The following MYO5A variants were observed in gnomAD, a reference collection of about 807,000 sequenced individuals.
MYO5A encodes the protein unconventional myosin-Va.
A neutral mutation model predicts 249.7 loss-of-function variants in MYO5A; 98 were observed. That is an observed-to-expected ratio of 0.39 (90% CI 0.33 to 0.46). The LOEUF (loss-of-function observed/expected upper bound fraction) is 0.46, where lower values mean the gene tolerates loss of function less well. Among genes scored for constraint, MYO5A ranks in the 20% least tolerant of loss-of-function variants. The pLI is 0.98. For missense variants in MYO5A, 1,696 were observed against 2,308.8 expected (o/e 0.73, Z 5.44); for synonymous variants, 778 against 810.6 (o/e 0.96, Z 0.68).
chr15:52,331,997 T>C (rs1344193839), intron 34 of MYO5A, among the ~76,000 whole-genome samples: 1 of 152,204 alleles, frequency 6.6e-6, no homozygotes, highest in Non-Finnish European at 1.5e-5. Context: ...TGGTTTTACA[T>C]AATTTCTGGT....
intron 3 of MYO5A, among the ~76,000 whole-genome samples, chr15:52,427,988 G>A (rs907097685): frequency 6.6e-6 from 1 of 152,112 alleles, no homozygotes; most frequent in Admixed American, 6.5e-5. Context: ...GAATCACCAC[G>A]AGTCAAGTTA....
chr15:52,528,434 G>A (rs2077764360), intron 1 of MYO5A, among the ~76,000 whole-genome samples: 1 of 152,200 alleles, frequency 6.6e-6, no homozygotes. Context: ...CCACCCGCCG[G>A]GAATTTTCCA....
At chr15:52,495,376 T>C (rs1268841416) in intron 1 of MYO5A, among the ~76,000 whole-genome samples, 1 of 151,984 alleles carries the variant, frequency 6.6e-6, no homozygotes, top group African/African-American at 2.4e-5. Context: ...GAGAGTGAAA[T>C]GGAGATTACC....
intron 9 of MYO5A, 25 bp from the exon 10 acceptor site, chr15:52,397,491 C>T (rs769863379): frequency 5.6e-5 from 90 of 1,611,058 alleles, no homozygotes; most frequent in Non-Finnish European, 1.2e-5. Context: ...TGAGTTATTT[C>T]CTATGACCAG....
intron 1 of MYO5A, among the ~76,000 whole-genome samples, chr15:52,490,489 C>A (rs1244433263): frequency 6.6e-6 from 1 of 152,050 alleles, no homozygotes; most frequent in African/African-American, 2.4e-5. Context: ...CATGGATGAA[C>A]CTTGAGGACA....
intron 40 of MYO5A, among the ~76,000 whole-genome samples, chr15:52,315,333 G>C (rs1426622737): frequency 1.3e-5 from 2 of 151,874 alleles, no homozygotes; most frequent in Non-Finnish European, 2.9e-5. Context: ...TTAGTAAGAA[G>C]TTATGCAAAC....
chr15:52,439,579 G>A (rs914887316), intron 1 of MYO5A, among the ~76,000 whole-genome samples: 62 of 152,134 alleles, frequency 4.1e-4, no homozygotes, highest in African/African-American at 1.4e-3. Context: ...CTGAGATAAG[G>A]TAAGGCAAGG....
intron 14 of MYO5A, among the ~76,000 whole-genome samples, chr15:52,385,646 C>T (rs1192010198): frequency 1.3e-5 from 2 of 151,780 alleles, no homozygotes; most frequent in African/African-American, 4.8e-5. Context: ...CACATAAATA[C>T]ACAAACATAC....
chr15:52,486,330 C>G (rs2076819662), intron 1 of MYO5A, among the ~76,000 whole-genome samples: 1 of 152,178 alleles, frequency 6.6e-6, no homozygotes, highest in African/African-American at 2.4e-5. Flanking sequence ...TGAAAAAACT[C>G]AGGTTGAGTG....
chr15:52,318,347 T>C (rs1030892495), intron 39 of MYO5A, among the ~76,000 whole-genome samples: 6 of 151,030 alleles, frequency 4.0e-5, no homozygotes, highest in African/African-American at 1.5e-4. Context: ...TCCCAGCTAC[T>C]TGGGAGGCTG....
In MYO5A at chr15:52,387,886, G is replaced by T; in HGVS notation, c.1695C>A (p.Leu565=). The T allele has an allele frequency of 6.2e-7, 1 of 1,611,998 alleles. No individual in the cohort carries two copies. Among genetic ancestry groups the T allele is most frequent in the Non-Finnish European group, 8.5e-7 (1 of 1,178,950 alleles). Residue 565 remains leucine (L), a synonymous_variant, in exon 14 of 42, where the codon CTC becomes CTA. Coordinates refer to ENST00000399233, the MANE Select transcript of MYO5A (RefSeq NM_001382347.1). ...DKVEYQCEGF[L]EKNKDTVFEE... ...CAAAAACGGTGTCTTTATTCTTTTC[G>T]AGAAATCCTTCACACTGGTATTCCA...
At chr15:52,497,714 G>A (rs983686596) in intron 1 of MYO5A, among the ~76,000 whole-genome samples, 9 of 130,944 alleles carry the variant, frequency 6.9e-5, no homozygotes, top group Non-Finnish European at 1.1e-4. Flanking sequence ...CCAAGATCAC[G>A]CCACTGCACT....
intron 1 of MYO5A, among the ~76,000 whole-genome samples, chr15:52,478,411 C>G (rs1428681910): frequency 6.6e-6 from 1 of 152,124 alleles, no homozygotes; most frequent in Non-Finnish European, 1.5e-5. Context: ...TGGGCTGTAC[C>G]CACTGTCCTG....
chr15:52,370,540 C>A (rs577399517), intron 21 of MYO5A, 123 bp from the exon 22 acceptor site: 1 of 1,008,374 alleles, frequency 9.9e-7, no homozygotes, highest in African/African-American at 1.6e-5. Flanking sequence ...TAGTATCCAA[C>A]CAAAATACTA....
chr15:52,420,756 A>G (rs1328406575), intron 4 of MYO5A, among the ~76,000 whole-genome samples: 1 of 152,230 alleles, frequency 6.6e-6, no homozygotes, highest in Admixed American at 6.5e-5. Flanking sequence ...ATGGAGCAAG[A>G]TATTCTAGGC....
At chr15:52,481,791 C>T (rs77923895) in intron 1 of MYO5A, among the ~76,000 whole-genome samples, 2,843 of 152,146 alleles carry the variant, frequency 0.019, 61 homozygotes, top group African/African-American at 0.053. Context: ...GAGAGATTCC[C>T]AGGGCTCAGA....
intron 16 of MYO5A, among the ~76,000 whole-genome samples, chr15:52,381,109 A>C (rs995882749): frequency 4.6e-5 from 7 of 152,222 alleles, no homozygotes; most frequent in African/African-American, 1.7e-4. Context: ...CCTTCGGCCA[A>C]ATGATTGCTC....
At chr15:52,360,223 A>G (rs920391389) in intron 24 of MYO5A, 142 bp from the exon 25 acceptor site, 1 of 692,494 alleles carries the variant, frequency 1.4e-6, no homozygotes, top group Admixed American at 2.1e-5. Context: ...TATTGTTTTG[A>G]CCAAATAATT....
intron 24 of MYO5A, among the ~76,000 whole-genome samples, chr15:52,363,897 A>G (rs147906879): frequency 6.6e-6 from 1 of 152,356 alleles, no homozygotes; most frequent in East Asian, 1.9e-4. Context: ...ATTATAATCA[A>G]AACCAGTCTA....
Sources: allele counts gnomAD v4.1 joint callset (sites outside exome capture counted in the v4.1 genomes callset), GRCh38; gene constraint gnomAD v4.1.1; transcripts MANE v1.5; gene names NCBI Gene and HGNC (gene_info 2026-07-23, HGNC 2026-07-21).